CEP76: variants seen among roughly 807,000 people sequenced by gnomAD.
The protein encoded by CEP76 is centrosomal protein of 76 kDa.
Under a neutral mutation model 83.3 loss-of-function variants are expected in CEP76, and 55 were observed. That is an observed-to-expected ratio of 0.66 (90% CI 0.53 to 0.83). The LOEUF (loss-of-function observed/expected upper bound fraction) is 0.83. CEP76 is among the 40% of genes least tolerant of loss of function. CEP76 has a pLI of 0.00. For synonymous variants in CEP76, 270 were observed against 274.5 expected (o/e 0.98, Z 0.16); for missense variants, 694 against 799.5 (o/e 0.87, Z 1.59).
intron 4 of CEP76, chr18:12,698,728 G>A (rs1426108066): frequency 2.1e-6 from 1 of 468,182 alleles, no homozygotes; most frequent in Non-Finnish European, 3.8e-6. Context: ...GCACATAATA[G>A]GTATTTAAGT....
At chr18:12,691,548 T>C in intron 6 of CEP76, 61 bp from the exon 7 acceptor site, 3 of 1,269,540 alleles carry the variant, frequency 2.4e-6, no homozygotes, top group African/African-American at 3.0e-5. Flanking sequence ...CTACAAAATA[T>C]GTAGCAAATT....
At chr18:12,696,004 A>C (rs1343742935) in intron 5 of CEP76, among the ~76,000 whole-genome samples, 1 of 152,186 alleles carries the variant, frequency 6.6e-6, no homozygotes, top group African/African-American at 2.4e-5. Context: ...AGAACTAGAA[A>C]ACAAATATAC....
chr18:12,668,809 C>T (rs62095975), downstream of CEP76, among the ~76,000 whole-genome samples: 33,879 of 136,344 alleles, frequency 0.25, 4,590 homozygotes, highest in Non-Finnish European at 0.32. Flanking sequence ...AGAGCAATCT[C>T]GGCTCACTGC....
At chr18:12,694,305 G>A (rs1029937075) in intron 6 of CEP76, among the ~76,000 whole-genome samples, 25 of 152,166 alleles carry the variant, frequency 1.6e-4, no homozygotes, top group African/African-American at 5.8e-4. Context: ...TCTGTAAAAG[G>A]AACAATATGA....
rs1382165487 is a variant in CEP76 at position 12,698,027 on chromosome 18, TA to T, written c.521-620del. On this transcript the variant is annotated intron_variant, in intron 4 of 11. Coordinates refer to ENST00000262127, the MANE Select transcript of CEP76 (RefSeq NM_024899.4). ...TACCTTTACTGAAAGAAACATAGTG[TA>T]AAACAATTACAGGAATCAAGTAGCA... Among the ~76,000 whole-genome samples, 9 of 152,136 alleles carry T rather than the reference TA, an allele frequency of 5.9e-5. 1 individual carries two copies. The South Asian group carries it at 1.0e-3, about 17-fold the overall frequency.
intron 12 of CEP76, among the ~76,000 whole-genome samples, chr18:12,666,433 A>ATGGTTTTTTTTTTTTTTTTTTTTTT (rs2038803200): frequency 7.7e-6 from 1 of 129,260 alleles, no homozygotes; most frequent in Non-Finnish European, 1.7e-5. Context: ...ACAAAATTTT[A>ATGGTTTTTTTTTTTTTTTTTTTTTT]TGGTTTTTTT....
At chr18:12,691,328 G>A in intron 7 of CEP76, 31 bp downstream of exon 7, 1 of 1,408,196 alleles carries the variant, frequency 7.1e-7, no homozygotes, top group Non-Finnish European at 9.7e-7. Context: ...TCAAATACAG[G>A]CATAAAATTA....
At chr18:12,667,837 G>C (rs543102836), downstream of CEP76, among the ~76,000 whole-genome samples, 5 of 144,298 alleles carry the variant, frequency 3.5e-5, no homozygotes, top group Non-Finnish European at 7.5e-5. Flanking sequence ...ACCTGCAGGT[G>C]CTTTCTGATC....
At position 12,701,151 on chromosome 18, in the gene CEP76, A is replaced by G. The variant is rs748522887; in HGVS notation, c.64-38T>C. ...CTCATATTACAATTTATAACATCAC[A>G]AAGCAGTCAAATACTGCTTCTGAAG... is the stretch of plus-strand genomic sequence containing the variant. On this transcript the variant is annotated intron_variant, in intron 1 of 11. Coordinates refer to ENST00000262127, the MANE Select transcript of CEP76 (RefSeq NM_024899.4). The G allele has an allele frequency of 1.0e-4, 157 of 1,534,532 alleles. No individual in the cohort carries two copies. The Admixed American group carries it at 2.8e-3, about 27-fold the overall frequency.
rs181256276 is a variant in CEP76 at position 12,695,137 on chromosome 18, A to C, written c.804+117T>G. 2.3e-5 allele frequency: 11 copies of C among 472,662 alleles called. No homozygotes were observed. The Admixed American group carries it at 3.7e-4, about 16-fold the overall frequency. The allele number at this position is 472,662 out of a possible 1,614,324, so 29.3% of individuals were successfully genotyped here. ...TCCTTTTTGTGAACCTTTGAGTGCT[A>C]ATCTAGAAAGTAATAAATGGTAATT... On this transcript the variant is annotated intron_variant, in intron 6 of 11. Transcript: ENST00000262127.
intron 9 of CEP76, 64 bp downstream of exon 9, chr18:12,680,596 CAA>C (rs34861312): frequency 0.15 from 114,803 of 743,750 alleles, 687 homozygotes; most frequent in Non-Finnish European, 0.16. Flanking sequence ...GACTCCATCT[CAA>C]AAAAAAAAAA....
chr18:12,692,265 G>A (rs62096023), intron 6 of CEP76: 35,872 of 151,024 alleles, frequency 0.24, 4,931 homozygotes, highest in Non-Finnish European at 0.32. Flanking sequence ...GCAGTGAGCC[G>A]AGTTCATGCC....
intron 5 of CEP76, among the ~76,000 whole-genome samples, chr18:12,695,766 AATTTTTGTCTTAATTAAATGTATAAT>A (rs2039931841): frequency 1.3e-5 from 2 of 151,852 alleles, no homozygotes; most frequent in Admixed American, 6.6e-5. Flanking sequence ...TGAGACTCTT[AATTTTTGTCTTAATTAAATGTATAAT>A]ATCAACCAGA....
Position 12,673,076 on chromosome 18 carries a change from A to T in CEP76, c.*289T>A. 1 of 1,011,140 alleles carries T rather than the reference A, an allele frequency of 9.9e-7. No homozygotes were observed. Among genetic ancestry groups the T allele is most frequent in the Non-Finnish European group, 1.2e-6 (1 of 837,250 alleles). The allele number at this position is 1,011,140 out of a possible 1,614,324, so 62.6% of individuals were successfully genotyped here. A position where few individuals can be genotyped will look rare whatever the true frequency, so the allele number is the denominator to read the frequency against. On this transcript the variant is annotated 3_prime_UTR_variant, in exon 12 of 12. Coordinates refer to ENST00000262127, the MANE Select transcript of CEP76 (RefSeq NM_024899.4). ...GTAAAGAAAACTGAATGCATTTTAT[A>T]TTAATATTTAAACTACTGATAACTG... is the stretch of plus-strand genomic sequence containing the variant.
intron 5 of CEP76, among the ~76,000 whole-genome samples, chr18:12,695,685 G>A (rs2039929860): frequency 6.6e-6 from 1 of 151,848 alleles, no homozygotes; most frequent in African/African-American, 2.4e-5. Flanking sequence ...TGCTTGGTGG[G>A]ATTACAGGCA....
At position 12,672,865 on chromosome 18, in the gene CEP76, GAA is replaced by G; in HGVS notation, c.*498_*499del. On this transcript the variant is annotated 3_prime_UTR_variant, in exon 12 of 12. Coordinates refer to ENST00000262127, the MANE Select transcript of CEP76 (RefSeq NM_024899.4). The stretch of plus-strand genomic sequence containing the variant: ...CAGTCTCAAATATCCCAAGGACCAC[GAA>G]TAAACCACAAAAGTGGTAATTCATT... 1 of 985,164 alleles carries G rather than the reference GAA, an allele frequency of 1.0e-6. No individual in the cohort carries two copies. The highest frequency in any genetic ancestry group is 1.2e-6 in the Non-Finnish European group (1 of 829,670). The allele number at this position is 985,164 out of a possible 1,614,324, so 61.0% of individuals were successfully genotyped here. A position where few individuals can be genotyped will look rare whatever the true frequency, so the allele number is the denominator to read the frequency against.
At chr18:12,675,400 A>T (rs565985017) in intron 10 of CEP76, among the ~76,000 whole-genome samples, 73 of 152,218 alleles carry the variant, frequency 4.8e-4, no homozygotes, top group African/African-American at 1.6e-3. Flanking sequence ...TGTCTCAAAA[A>T]AAATAAATAA....
At chr18:12,689,162 A>G (rs1217974659) in intron 7 of CEP76, among the ~76,000 whole-genome samples, 1 of 152,188 alleles carries the variant, frequency 6.6e-6, no homozygotes, top group African/African-American at 2.4e-5. Flanking sequence ...TGGATACATT[A>G]GAAATTTTTT....
chr18:12,675,767 C>G (rs534552424), intron 10 of CEP76, among the ~76,000 whole-genome samples: 107 of 152,114 alleles, frequency 7.0e-4, no homozygotes, highest in Middle Eastern at 3.4e-3. Context: ...CTCCCAGGTT[C>G]AAGCGATTCT....
Sources: gnomAD v4.1 joint callset for allele counts (sites outside exome capture counted in the v4.1 genomes callset) on GRCh38, gnomAD v4.1.1 for gene constraint, MANE v1.5 for transcripts, NCBI Gene and HGNC (gene_info 2026-07-23, HGNC 2026-07-21) for gene names.